Variants in EFCAB13 observed in about 807,000 individuals in gnomAD.
EFCAB13 encodes EF-hand calcium-binding domain-containing protein 13.
A neutral mutation model predicts 110.2 loss-of-function variants in EFCAB13; 91 were observed. The ratio of observed to expected loss-of-function variants is 0.83; its 90% confidence interval spans 0.70 to 0.98. The LOEUF is 0.98. Ranked by LOEUF, EFCAB13 falls within the 50% of genes least tolerant of loss-of-function variation. The pLI is 0.00. For synonymous variants in EFCAB13, 323 were observed against 369.9 expected (o/e 0.87, Z 1.45); for missense variants, 968 against 1,119.4 (o/e 0.86, Z 1.93).
chr17:47,343,961 G>A (rs925056469), intron 6 of EFCAB13, among the ~76,000 whole-genome samples: 5 of 152,084 alleles, frequency 3.3e-5, no homozygotes, highest in Non-Finnish European at 7.4e-5. Flanking sequence ...CCATGGCTTT[G>A]CAAGAGAACA....
rs570828823 is a variant in EFCAB13, at chr17:47,420,254, T to C, written c.2494+5335T>C. 3.5e-4 allele frequency among the ~76,000 whole-genome samples: 54 copies of C among 152,340 alleles called. 1 individual carries two copies. Among genetic ancestry groups the C allele is most frequent in the South Asian group, 1.2e-3 (6 of 4,830 alleles). On this transcript the variant is annotated intron_variant, in intron 23 of 24. Transcript: ENST00000331493. ...GGAGTCTGGTTCACTCAGTGCTCAA[T>C]GGTGCCCAGGCTGGAGTGCAGTGGC...
chr17:47,362,352 T>C (rs1253752591), intron 10 of EFCAB13, among the ~76,000 whole-genome samples: 2 of 152,154 alleles, frequency 1.3e-5, no homozygotes, highest in African/African-American at 4.8e-5. Flanking sequence ...CCTTCTGTTA[T>C]GCCTGGACAG....
intron 2 of EFCAB13, 85 bp from the exon 3 acceptor site, chr17:47,326,141 A>C (rs2065285075): frequency 6.6e-6 from 1 of 151,968 alleles, no homozygotes; most frequent in African/African-American, 2.4e-5. Flanking sequence ...GTTCACCGAT[A>C]GAAGACAGGA....
intron 3 of EFCAB13, among the ~76,000 whole-genome samples, chr17:47,327,389 T>C (rs1054878284): frequency 2.6e-5 from 4 of 152,104 alleles, no homozygotes; most frequent in Non-Finnish European, 5.9e-5. Flanking sequence ...GGTCTTGAAC[T>C]CCTGACCTCG....
chr17:47,334,939 A>G (rs751801267), intron 4 of EFCAB13, among the ~76,000 whole-genome samples: 8 of 152,324 alleles, frequency 5.3e-5, no homozygotes, highest in Middle Eastern at 6.8e-3. Flanking sequence ...GCTAGATGCA[A>G]TAACTGTTAG....
chr17:47,429,161 A>G (rs1223964964), intron 23 of EFCAB13, among the ~76,000 whole-genome samples: 1 of 152,210 alleles, frequency 6.6e-6, no homozygotes, highest in Non-Finnish European at 1.5e-5. Context: ...GAAGCTACTC[A>G]TGTCAACAAA....
intron 9 of EFCAB13, among the ~76,000 whole-genome samples, chr17:47,353,658 G>A (rs924909228): frequency 3.3e-5 from 5 of 152,230 alleles, no homozygotes; most frequent in African/African-American, 9.6e-5. Context: ...AACTGGATTA[G>A]CAAGTAAAGG....
chr17:47,370,366 A>G (rs1308063714), intron 10 of EFCAB13, 71 bp from the exon 11 acceptor site: 2 of 1,045,488 alleles, frequency 1.9e-6, no homozygotes, highest in African/African-American at 1.6e-5. Flanking sequence ...TGTTGTTTTC[A>G]TATTAGAATA....
At chr17:47,423,569 A>C in intron 23 of EFCAB13, 22 of 301,900 alleles carry the variant, frequency 7.3e-5, no homozygotes, top group Non-Finnish European at 9.1e-5. Context: ...TGCCGAGGGA[A>C]CGCCTTTGTG....
intron 17 of EFCAB13, among the ~76,000 whole-genome samples, chr17:47,401,648 T>TTC (rs971079853): frequency 6.8e-6 from 1 of 146,136 alleles, no homozygotes; most frequent in Non-Finnish European, 1.5e-5. Context: ...GACTTTTTTT[T>TTC]TTTTTTTTTT....
chr17:47,336,355 G>A (rs2065350555), intron 5 of EFCAB13, among the ~76,000 whole-genome samples: 1 of 149,726 alleles, frequency 6.7e-6, no homozygotes, highest in South Asian at 2.1e-4. Flanking sequence ...GTAGTGGCAC[G>A]ATCTTGGCTC....
In EFCAB13 at chr17:47,403,851, A is replaced by G. The variant is rs759868922; in HGVS notation, c.2018-27A>G. 1.9e-6 allele frequency: 3 copies of G among 1,575,192 alleles called. No individual in the cohort carries two copies. The South Asian group carries it at 3.6e-5, about 19-fold the overall frequency. On this transcript the variant is annotated intron_variant, in intron 18 of 24. Coordinates refer to ENST00000331493, the MANE Select transcript of EFCAB13 (RefSeq NM_152347.5). ...TCTTGAGTGATGGCTACTGCTTTTTATTAATTAACTTTTTTTCTATTTATA... is the reference window on the plus strand; with the variant it reads ...TCTTGAGTGATGGCTACTGCTTTTTGTTAATTAACTTTTTTTCTATTTATA...
intron 12 of EFCAB13, among the ~76,000 whole-genome samples, chr17:47,377,166 C>T (rs1442838355): frequency 6.6e-6 from 1 of 151,944 alleles, no homozygotes; most frequent in Non-Finnish European, 1.5e-5. Context: ...ATTAATTTTA[C>T]ACACACACAT....
intron 6 of EFCAB13, among the ~76,000 whole-genome samples, chr17:47,342,353 A>G (rs1234192500): frequency 2.0e-5 from 3 of 152,134 alleles, no homozygotes; most frequent in Non-Finnish European, 4.4e-5. Context: ...TTGTGGCAGC[A>G]TAACTCCAAT....
intron 4 of EFCAB13, chr17:47,329,992 T>C (rs2065310329): frequency 6.6e-6 from 1 of 152,186 alleles, no homozygotes; most frequent in African/African-American, 2.4e-5. Context: ...AAACAGAGAT[T>C]CTCTCTAAAC....
At chr17:47,357,447 A>G (rs1019356788) in intron 9 of EFCAB13, among the ~76,000 whole-genome samples, 4 of 152,098 alleles carry the variant, frequency 2.6e-5, no homozygotes, top group Non-Finnish European at 5.9e-5. Context: ...ATAAATTACT[A>G]TTTTATACTC....
At chr17:47,378,336 A>G (rs1452739900) in intron 13 of EFCAB13, among the ~76,000 whole-genome samples, 1 of 152,192 alleles carries the variant, frequency 6.6e-6, no homozygotes, top group Non-Finnish European at 1.5e-5. Flanking sequence ...TTAGCAGTTA[A>G]CATTTAGATG....
intron 24 of EFCAB13, among the ~76,000 whole-genome samples, chr17:47,435,540 T>G (rs995159890): frequency 6.6e-6 from 1 of 151,436 alleles, no homozygotes; most frequent in Non-Finnish European, 1.5e-5. Context: ...TTTGTTTTTG[T>G]TTTTTTTGCA....
intron 14 of EFCAB13, among the ~76,000 whole-genome samples, chr17:47,381,608 G>A (rs893003571): frequency 6.6e-6 from 1 of 152,134 alleles, no homozygotes; most frequent in African/African-American, 2.4e-5. Flanking sequence ...ATTAAATAGG[G>A]AATCATTTCC....
Sources: allele counts gnomAD v4.1 joint callset (sites outside exome capture counted in the v4.1 genomes callset), GRCh38; gene constraint gnomAD v4.1.1; transcripts MANE v1.5; gene names NCBI Gene and HGNC (gene_info 2026-07-23, HGNC 2026-07-21).